Variants in TLN2 observed in about 807,000 individuals in gnomAD.
The protein encoded by TLN2 is talin 2.
In TLN2, 118 loss-of-function variants were observed where a neutral mutation model predicts 294.7. The observed-to-expected ratio is 0.40, with a 90% CI of 0.34 to 0.47. TLN2 has a LOEUF of 0.47. Among genes scored for constraint, TLN2 ranks in the 20% least tolerant of loss-of-function variants. The probability of loss-of-function intolerance (pLI) is 0.84; values close to 1 mark genes in which losing one functional copy is unlikely to be tolerated. For missense variants in TLN2, 3,083 were observed against 3,282.2 expected, an observed-to-expected ratio of 0.94 and a Z score of 1.48; for synonymous variants, 1,431 against 1,304.5, an observed-to-expected ratio of 1.10 and a Z score of -2.09.
At chr15:62,479,692 G>T (rs1405875351) in intron 1 of TLN2, among the ~76,000 whole-genome samples, 1 of 152,110 alleles carries the variant, frequency 6.6e-6, no homozygotes, top group African/African-American at 2.4e-5. Context: ...TACCATGTTG[G>T]CCAGGCTGGT....
rs752653618 is a variant in TLN2 at position 62,646,292 on chromosome 15, A to G, written c.-36-983A>G. On this transcript the variant is annotated intron_variant, in intron 3 of 58. Coordinates refer to ENST00000636159, the MANE Select transcript of TLN2 (RefSeq NM_015059.3). ...ATTCTCCTGTCTCAGCCTCCCGAGTAGCTGGGATTACAGGTGTATGCCACC... is the reference window on the plus strand; with the variant it reads ...ATTCTCCTGTCTCAGCCTCCCGAGTGGCTGGGATTACAGGTGTATGCCACC... 1.3e-5 allele frequency among the ~76,000 whole-genome samples: 2 copies of G among 151,926 alleles called. 1 individual carries two copies. The highest frequency in any genetic ancestry group is 4.2e-4 in the South Asian group (2 of 4,796).
intron 9 of TLN2, among the ~76,000 whole-genome samples, chr15:62,663,762 A>C (rs2140977429): frequency 1.3e-5 from 2 of 152,152 alleles, no homozygotes; most frequent in South Asian, 4.1e-4. Flanking sequence ...AAGTTTATTG[A>C]GGAGCATAAA....
chr15:62,820,634 T>G (rs774017012), intron 54 of TLN2, 24 bp downstream of exon 54: 2 of 1,607,032 alleles, frequency 1.2e-6, no homozygotes, highest in Non-Finnish European at 1.7e-6. Flanking sequence ...TATGGTTGGC[T>G]GTCCGATGTC....
At chr15:62,580,629 T>TC (rs2044879613) in intron 1 of TLN2, among the ~76,000 whole-genome samples, 1 of 152,148 alleles carries the variant, frequency 6.6e-6, no homozygotes, top group South Asian at 2.1e-4. Flanking sequence ...CAGGCTAGTC[T>TC]CTAACTCCTG....
At chr15:62,704,726 A>C (rs946566280) in intron 19 of TLN2, among the ~76,000 whole-genome samples, 1 of 152,262 alleles carries the variant, frequency 6.6e-6, no homozygotes, top group Non-Finnish European at 1.5e-5. Context: ...CCCTAGAATC[A>C]AAATGAACTG....
At chr15:62,586,229 T>C (rs1033585010) in intron 1 of TLN2, among the ~76,000 whole-genome samples, 1 of 152,190 alleles carries the variant, frequency 6.6e-6, no homozygotes, top group African/African-American at 2.4e-5. Flanking sequence ...GGGTGGCCCA[T>C]GTGTTGTGGG....
intron 1 of TLN2, among the ~76,000 whole-genome samples, chr15:62,423,438 C>T (rs1298482252): frequency 6.6e-6 from 1 of 152,154 alleles, no homozygotes; most frequent in Non-Finnish European, 1.5e-5. Flanking sequence ...ACCTGTGTCT[C>T]CATGTTACCA....
At chr15:62,545,189 C>T (rs1260340207) in intron 1 of TLN2, among the ~76,000 whole-genome samples, 1 of 152,000 alleles carries the variant, frequency 6.6e-6, no homozygotes, top group Non-Finnish European at 1.5e-5. Flanking sequence ...CTGCCCACCT[C>T]GGCCTTCCGG....
At chr15:62,751,660 T>G (rs773254516) in intron 34 of TLN2, among the ~76,000 whole-genome samples, 9 of 152,134 alleles carry the variant, frequency 5.9e-5, no homozygotes, top group Non-Finnish European at 1.2e-4. Flanking sequence ...TGGGGCATAA[T>G]GAGGGAACAC....
chr15:62,719,966 C>T, intron 25 of TLN2, 86 bp downstream of exon 25: 2 of 1,015,628 alleles, frequency 2.0e-6, no homozygotes, highest in Non-Finnish European at 2.8e-6. Flanking sequence ...TAATGAATTC[C>T]ACAGCCTCAG....
chr15:62,800,578 G>T lies in TLN2; in HGVS notation c.6361-75G>T, dbSNP rs1277633262. ...AGAGGCGTCCTTGCTCATAGCATGC[G>T]ATCCAGAAGTAAAAGGAGTAGGGGC... is the stretch of plus-strand genomic sequence containing the variant. On this transcript the variant is annotated intron_variant, in intron 49 of 58. Coordinates refer to ENST00000636159, the MANE Select transcript of TLN2 (RefSeq NM_015059.3). 4.4e-6 allele frequency: 7 copies of T among 1,608,890 alleles called. No homozygotes were observed. The Admixed American group carries it at 5.1e-5, about 12-fold the overall frequency.
chr15:62,698,769 G>T lies in TLN2; in HGVS notation c.1489G>T (p.Ala497Ser). ...GCCTTTGCAGACCTCAGCCCAGCAG[G>T]CCCTGATGGGGACCATCAACACAAG... ...HMPPLTSAQQ[A>S]LMGTINTSMH... The change falls in exon 16 of 59, where the codon GCC (alanine) becomes TCC (serine). Residue 497 changes from alanine to serine, a missense_variant. Transcript: ENST00000636159. 1 of 1,610,858 alleles carries T rather than the reference G, an allele frequency of 6.2e-7. No homozygotes were observed. Among genetic ancestry groups the T allele is most frequent in the East Asian group, 2.2e-5 (1 of 44,870 alleles).
At chr15:62,426,711 C>T (rs1454703182) in intron 1 of TLN2, among the ~76,000 whole-genome samples, 1 of 152,142 alleles carries the variant, frequency 6.6e-6, no homozygotes, top group South Asian at 2.1e-4. Flanking sequence ...TCCAAAGCTT[C>T]ATGGTATTTT....
rs145162509 is a variant in TLN2 at position 62,585,616 on chromosome 15, G to T, written c.-237-4071G>T. Among the ~76,000 whole-genome samples the T allele has an allele frequency of 5.9e-5, 9 of 152,184 alleles. No homozygotes were observed. In the East Asian group the frequency reaches 1.7e-3, roughly 29 times the overall value. ...TGTTCACATCTTTCTGTGCTTCTCG[G>T]AATACTCCAGAAAAGGCGCATCATG... is the stretch of plus-strand genomic sequence containing the variant. On this transcript the variant is annotated intron_variant, in intron 1 of 58. Coordinates refer to ENST00000636159, the MANE Select transcript of TLN2 (RefSeq NM_015059.3).
Position 62,722,462 on chromosome 15 carries a change from C to G in TLN2, c.3101C>G (p.Ala1034Gly), listed in dbSNP as rs760574948. 1 of 1,611,562 alleles carries G rather than the reference C, an allele frequency of 6.2e-7. No individual in the cohort carries two copies. The highest frequency in any genetic ancestry group is 1.3e-5 in the African/African-American group (1 of 74,846). Reference protein sequence around the residue: ...QCAKNLATSLAELRTASQKAH... With the variant: ...QCAKNLATSLGELRTASQKAH... ...GCCAAGAACCTGGCCACCAGCTTGG[C>G]GGAGCTGCGTACCGCCTCGCAGAAG... The change falls in exon 26 of 59, where the codon GCG becomes GGG. Residue 1034 changes from alanine (A) to glycine (G), a missense_variant. Coordinates refer to ENST00000636159, the MANE Select transcript of TLN2 (RefSeq NM_015059.3).
At chr15:62,420,997 T>C (rs895504876) in intron 1 of TLN2, among the ~76,000 whole-genome samples, 3 of 152,236 alleles carry the variant, frequency 2.0e-5, no homozygotes, top group African/African-American at 7.2e-5. Flanking sequence ...GTTAATCACT[T>C]ATGTCATTAG....
intron 37 of TLN2, among the ~76,000 whole-genome samples, chr15:62,758,178 A>C (rs1470367916): frequency 6.6e-6 from 1 of 152,116 alleles, no homozygotes; most frequent in African/African-American, 2.4e-5. Context: ...GGGAGCCACC[A>C]AGAGAAGCAC....
chr15:62,555,621 TA>T (rs2042560681), intron 1 of TLN2, among the ~76,000 whole-genome samples: 1 of 152,242 alleles, frequency 6.6e-6, no homozygotes, highest in African/African-American at 2.4e-5. Flanking sequence ...CTGGTAGTTT[TA>T]AAAATATTTA....
intron 17 of TLN2, 33 bp downstream of exon 17, chr15:62,701,247 G>A: frequency 2.0e-6 from 3 of 1,527,240 alleles, no homozygotes; most frequent in Non-Finnish European, 1.8e-6. Context: ...CTGCATTGGG[G>A]TTTTGTTTAA....
Sources: gnomAD v4.1 joint callset for allele counts (sites outside exome capture counted in the v4.1 genomes callset) on GRCh38, gnomAD v4.1.1 for gene constraint, MANE v1.5 for transcripts, NCBI Gene and HGNC (gene_info 2026-07-23, HGNC 2026-07-21) for gene names.